GABRB3: variants seen among roughly 807,000 people sequenced by gnomAD.
GABRB3 encodes the protein gamma-aminobutyric acid receptor subunit beta-3.
In GABRB3, 14 loss-of-function variants were observed where a neutral mutation model predicts 52.1. The ratio of observed to expected loss-of-function variants is 0.27; its 90% CI spans 0.18 to 0.42. The LOEUF (loss-of-function observed/expected upper bound fraction) is 0.42. GABRB3 is among the 10% of genes least tolerant of loss of function. GABRB3 has a pLI of 1.00. For missense variants in GABRB3, 307 were observed against 609.1 expected, an observed-to-expected ratio of 0.50 and a Z score of 5.22; for synonymous variants, 260 against 232.3, an observed-to-expected ratio of 1.12 and a Z score of -1.08.
In GABRB3 at chr15:26,545,333, T is replaced by C. The variant is rs895479250; in HGVS notation, c.*2460A>G. ...TGCATATAAAAAGCTCAAAAGCTATTATGACTATACCATGCAAATTTATAT... is the reference window on the plus strand; with the variant it reads ...TGCATATAAAAAGCTCAAAAGCTATCATGACTATACCATGCAAATTTATAT... On this transcript the variant is annotated 3_prime_UTR_variant, in exon 9 of 9. Transcript: ENST00000311550. The C allele has an allele frequency of 2.0e-5, 3 of 152,556 alleles. No individual in the cohort carries two copies. The highest frequency in any genetic ancestry group is 4.4e-5 in the Non-Finnish European group (3 of 68,040). 9.5% of individuals were successfully genotyped at this position (152,556 alleles called of 1,614,324 possible). A position where few individuals can be genotyped will look rare whatever the true frequency, so the allele number is the denominator to read the frequency against.
upstream of GABRB3, chr15:26,773,608 A>G (rs745856057): frequency 1.4e-5 from 21 of 1,516,550 alleles, no homozygotes; most frequent in Middle Eastern, 2.2e-4. Flanking sequence ...CCGCCTCCCG[A>G]CGGTGCCTGC....
rs756000853 is a variant in GABRB3 at position 26,606,793 on chromosome 15, GATAGATATATCT to G, written c.461+14509_461+14520del. On this transcript the variant is annotated intron_variant, in intron 4 of 8. Transcript: ENST00000311550. Reference sequence around the variant, plus strand: ...CTATAGATAGATAGATATATCTATAGATAGATATATCTATAGATAGATAGATAGATAGATAGA... The same window carrying G: ...CTATAGATAGATAGATATATCTATAGATAGATAGATAGATAGATAGATAGA... 7.8e-3 allele frequency among the ~76,000 whole-genome samples: 1,127 copies of G among 145,126 alleles called. 21 individuals carry two copies. Among genetic ancestry groups the G allele is most frequent in the Admixed American group, 0.014 (206 of 14,620 alleles).
chr15:26,687,434 A>G (rs1457416921), intron 3 of GABRB3, among the ~76,000 whole-genome samples: 2 of 152,106 alleles, frequency 1.3e-5, no homozygotes, highest in African/African-American at 4.8e-5. Context: ...GTGTCCATGC[A>G]ATGCCCTAAA....
chr15:26,585,194 C>T (rs1313898219), intron 4 of GABRB3, among the ~76,000 whole-genome samples: 1 of 152,164 alleles, frequency 6.6e-6, no homozygotes, highest in African/African-American at 2.4e-5. Flanking sequence ...GTGTAACTGG[C>T]AGTCCTGGCT....
chr15:26,606,636 T>C lies in GABRB3; in HGVS notation c.461+14678A>G, dbSNP rs139949650. ...TTACCACTTTAATTCAACACAATAATAGAAGTCCTTGCTAGAGCAATTAGG... is the reference window on the plus strand; with the variant it reads ...TTACCACTTTAATTCAACACAATAACAGAAGTCCTTGCTAGAGCAATTAGG... On this transcript the variant is annotated intron_variant, in intron 4 of 8. Transcript: ENST00000311550. 4.9e-3 allele frequency among the ~76,000 whole-genome samples: 746 copies of C among 152,010 alleles called. 7 individuals carry two copies. The highest frequency in any genetic ancestry group is 0.017 in the African/African-American group (719 of 41,446).
chr15:26,672,851 A>C (rs957041047), intron 3 of GABRB3, among the ~76,000 whole-genome samples: 3 of 152,234 alleles, frequency 2.0e-5, no homozygotes, highest in African/African-American at 2.4e-5. Context: ...GCCATTAAAG[A>C]GAGAAAAACA....
In GABRB3 at chr15:26,548,127, G is replaced by A. The variant is rs770127431; in HGVS notation, c.1088C>T (p.Ala363Val). Residue 363 changes from alanine (A) to valine (V), a missense_variant, in exon 9 of 9, where the codon GCT (alanine) becomes GTT (valine). This residue lies in a region of GABRB3 where 115 missense variants were observed against 166.9 expected (regional missense o/e 0.69). Coordinates refer to ENST00000311550, the MANE Select transcript of GABRB3 (RefSeq NM_000814.6). ...CGATGTCAACAGAATATTTCCATGAGCATCCACCTAATTGGACGGAAAATG... is the reference window on the plus strand; with the variant it reads ...CGATGTCAACAGAATATTTCCATGAACATCCACCTAATTGGACGGAAAATG... ...RSKSESNRVD[A>V]HGNILLTSLE... is the part of the protein sequence containing the mutation. 1 of 1,613,808 alleles carries A rather than the reference G, an allele frequency of 6.2e-7. No individual in the cohort carries two copies. Among genetic ancestry groups the A allele is most frequent in the East Asian group, 2.2e-5 (1 of 44,880 alleles).
intron 3 of GABRB3, among the ~76,000 whole-genome samples, chr15:26,703,455 A>T (rs1224012607): frequency 6.6e-6 from 1 of 152,102 alleles, no homozygotes; most frequent in East Asian, 1.9e-4. Flanking sequence ...AAACCACAAC[A>T]ATCTGATTCT....
chr15:26,628,835 G>A, intron 3 of GABRB3: 1 of 848,294 alleles, frequency 1.2e-6, no homozygotes, highest in Non-Finnish European at 1.8e-6. Flanking sequence ...AGACGAAAGG[G>A]GGCCAGCAGA....
intron 4 of GABRB3, among the ~76,000 whole-genome samples, chr15:26,617,392 A>G (rs1483828413): frequency 6.6e-6 from 1 of 152,236 alleles, no homozygotes; most frequent in East Asian, 1.9e-4. Context: ...TCCAGCATAT[A>G]AACAGAACCA....
At chr15:26,624,440 C>T (rs1214728294) in intron 3 of GABRB3, 17 of 985,362 alleles carry the variant, frequency 1.7e-5, no homozygotes, top group Non-Finnish European at 2.0e-5. Flanking sequence ...CGGATGGGCT[C>T]GCACATGGCT....
At chr15:26,549,883 T>A (rs1889394075) in intron 8 of GABRB3, among the ~76,000 whole-genome samples, 1 of 152,104 alleles carries the variant, frequency 6.6e-6, no homozygotes, top group Non-Finnish European at 1.5e-5. Context: ...TTTCCTCCTA[T>A]CTCCTTGCCA....
chr15:26,666,017 T>C (rs1324920708), intron 3 of GABRB3, among the ~76,000 whole-genome samples: 5 of 152,074 alleles, frequency 3.3e-5, no homozygotes, highest in African/African-American at 9.7e-5. Flanking sequence ...CCCCTGACCT[T>C]AGACTGTTAT....
At chr15:26,767,923 T>C (rs1210321099) in intron 3 of GABRB3, among the ~76,000 whole-genome samples, 3 of 152,198 alleles carry the variant, frequency 2.0e-5, no homozygotes, top group Admixed American at 1.3e-4. Flanking sequence ...TGTACATGGG[T>C]ATGACTGTAT....
chr15:26,600,303 A>C (rs1891541838), intron 4 of GABRB3, among the ~76,000 whole-genome samples: 1 of 152,174 alleles, frequency 6.6e-6, no homozygotes, highest in Admixed American at 6.5e-5. Context: ...TAGAAGAGAA[A>C]AAAAAGCCAG....
At chr15:26,620,051 T>A (rs1223593539) in intron 4 of GABRB3, among the ~76,000 whole-genome samples, 2 of 152,156 alleles carry the variant, frequency 1.3e-5, no homozygotes, top group Non-Finnish European at 2.9e-5. Context: ...CATTCTACAT[T>A]CCCAGGACTT....
intron 3 of GABRB3, among the ~76,000 whole-genome samples, chr15:26,747,820 G>A (rs534244335): frequency 6.6e-6 from 1 of 152,126 alleles, no homozygotes; most frequent in Admixed American, 6.5e-5. Flanking sequence ...AATGACAGCT[G>A]TAGGATTTTT....
intron 3 of GABRB3, among the ~76,000 whole-genome samples, chr15:26,654,677 T>C (rs1887310800): frequency 6.6e-6 from 1 of 152,058 alleles, no homozygotes; most frequent in African/African-American, 2.4e-5. Context: ...AAGAGAAGCA[T>C]GTGAGACCAG....
Position 26,731,063 on chromosome 15 carries a change from G to GCT in GABRB3, c.240+41337_240+41338dup, listed in dbSNP as rs1245667511. On this transcript the variant is annotated intron_variant, in intron 3 of 8. Transcript: ENST00000311550. The stretch of plus-strand genomic sequence containing the variant: ...ATTAATGATGCAGGCTCTCTCACTC[G>GCT]CTCTCGCTCTCTCTCTCTCTCTCTA... Among the ~76,000 whole-genome samples, 654 of 80,852 alleles carry GCT rather than the reference G, an allele frequency of 8.1e-3. 5 individuals are homozygous for GCT. The highest frequency in any genetic ancestry group is 0.042 in the East Asian group (99 of 2,340). The allele number at this position is 80,852 out of a possible 152,430, so 53.0% of individuals were successfully genotyped here.
Sources: allele counts gnomAD v4.1 joint callset (sites outside exome capture counted in the v4.1 genomes callset), GRCh38; gene constraint gnomAD v4.1.1; regional missense constraint gnomAD v4.1.1; transcripts MANE v1.5; gene names NCBI Gene and HGNC (gene_info 2026-07-23, HGNC 2026-07-21).